Variants in TNRC6B observed in about 807,000 individuals in gnomAD.
TNRC6B encodes the protein trinucleotide repeat containing adaptor 6B, also known as trinucleotide repeat-containing gene 6B protein.
A neutral mutation model predicts 203.6 loss-of-function variants in TNRC6B; 52 were observed. The observed-to-expected ratio is 0.26, with a 90% confidence interval of 0.20 to 0.32. The LOEUF (loss-of-function observed/expected upper bound fraction) is 0.32. TNRC6B is among the 10% of genes least tolerant of loss of function. TNRC6B has a pLI of 1.00. For missense variants in TNRC6B, 1,923 were observed against 2,286.2 expected (o/e 0.84, Z 3.24); for synonymous variants, 838 against 845.7 (o/e 0.99, Z 0.16).
At chr22:40,161,076 C>T (rs1311604131) in intron 4 of TNRC6B, among the ~76,000 whole-genome samples, 6 of 152,072 alleles carry the variant, frequency 3.9e-5, no homozygotes, top group African/African-American at 1.2e-4. Context: ...TTCTCTCAGT[C>T]CTTATTGTTT....
chr22:40,265,032 G>C lies in TNRC6B; in HGVS notation c.802G>C (p.Val268Leu), dbSNP rs773385111. 3 of 1,613,976 alleles carry C rather than the reference G, an allele frequency of 1.9e-6. No homozygotes were observed. In the South Asian group the frequency reaches 3.3e-5, roughly 18 times the overall value. ...GAAATCTGACCCTAAGGCTAAATCT[G>C]TTCAATCTTCCAACTCTACTACAGA... ...VWKSDPKAKS[V>L]QSSNSTTENN... Residue 268 changes from valine to leucine, a missense_variant, in exon 5 of 23, where the codon GTT (valine) becomes CTT (leucine). Val to Leu is a conservative substitution (Grantham distance 32). This residue lies in a region of TNRC6B where 614 missense variants were observed against 587.7 expected (regional missense o/e 1.04). Coordinates refer to ENST00000454349, the MANE Select transcript of TNRC6B (RefSeq NM_001162501.2).
At chr22:40,073,767 A>G (rs1414433137) in intron 1 of TNRC6B, among the ~76,000 whole-genome samples, 1 of 151,924 alleles carries the variant, frequency 6.6e-6, no homozygotes, top group Non-Finnish European at 1.5e-5. Flanking sequence ...TACAAAAATT[A>G]GCAGCCAGGG....
intron 1 of TNRC6B, among the ~76,000 whole-genome samples, chr22:40,188,249 T>C (rs916710251): frequency 2.0e-5 from 3 of 152,160 alleles, no homozygotes; most frequent in Non-Finnish European, 4.4e-5. Flanking sequence ...TCTTGAATCC[T>C]GCTTGGAATC....
At chr22:40,261,731 A>G in intron 3 of TNRC6B, 101 bp from the exon 4 acceptor site, 1 of 1,065,336 alleles carries the variant, frequency 9.4e-7, no homozygotes, top group South Asian at 3.1e-5. Context: ...CAACATGGCA[A>G]GACCCCATCT....
At chr22:40,288,325 C>T (rs192504709) in intron 12 of TNRC6B, among the ~76,000 whole-genome samples, 4 of 152,200 alleles carry the variant, frequency 2.6e-5, no homozygotes, top group Non-Finnish European at 4.4e-5. Flanking sequence ...CCCGTGTGAT[C>T]TTTATGTGCA....
chr22:40,321,302 T>C, intron 22 of TNRC6B, 73 bp downstream of exon 22: 1 of 1,532,002 alleles, frequency 6.5e-7, no homozygotes, highest in Non-Finnish European at 8.9e-7. Context: ...TGGCAGCTGC[T>C]GAATTAAAGA....
At position 40,324,004 on chromosome 22, in the gene TNRC6B, T is replaced by C. The variant is rs958617720; in HGVS notation, c.*763T>C. The C allele has an allele frequency of 6.6e-6, 1 of 152,378 alleles. No homozygotes were observed. The highest frequency in any genetic ancestry group is 1.5e-5 in the Non-Finnish European group (1 of 68,064). 9.4% of individuals were successfully genotyped at this position (152,378 alleles called of 1,614,324 possible). A position where few individuals can be genotyped will look rare whatever the true frequency, so the allele number is the denominator to read the frequency against. The stretch of plus-strand genomic sequence containing the variant: ...TCTCAGAAAGCTGCATCGCTGACAG[T>C]CTGCAGGCTGGCTGGCCGGCCCATC... On this transcript the variant is annotated 3_prime_UTR_variant, in exon 23 of 23. Transcript: ENST00000454349.
Position 40,333,466 on chromosome 22 carries a change from C to T in TNRC6B, c.*10225C>T, listed in dbSNP as rs1219487850. The T allele has an allele frequency of 6.5e-6, 1 of 152,680 alleles. No homozygotes were observed. The highest frequency in any genetic ancestry group is 6.5e-5 in the Admixed American group (1 of 15,280). The allele number at this position is 152,680 out of a possible 1,614,324, so 9.5% of individuals were successfully genotyped here. On this transcript the variant is annotated 3_prime_UTR_variant, in exon 23 of 23. Transcript: ENST00000454349. ...TTCTCTCTTCCAGCAGATCCATCCC[C>T]TGCAGGGACTCCAGAATGTTCTCCA...
chr22:40,127,540 A>G (rs1318947517), intron 3 of TNRC6B, among the ~76,000 whole-genome samples: 2 of 152,110 alleles, frequency 1.3e-5, no homozygotes, highest in Non-Finnish European at 1.5e-5. Flanking sequence ...AGGTACATAT[A>G]CACCCTTCCT....
At chr22:40,188,059 A>C (rs541766231) in intron 1 of TNRC6B, among the ~76,000 whole-genome samples, 38 of 152,266 alleles carry the variant, frequency 2.5e-4, no homozygotes, top group African/African-American at 9.1e-4. Context: ...GTCTCTACTA[A>C]AAATACAAAA....
At chr22:40,119,109 A>G (rs1370499061) in intron 2 of TNRC6B, among the ~76,000 whole-genome samples, 1 of 152,052 alleles carries the variant, frequency 6.6e-6, no homozygotes, top group Non-Finnish European at 1.5e-5. Flanking sequence ...ATATTTGGCA[A>G]TTTTCCTGGA....
At chr22:40,252,108 C>A (rs1333366013) in intron 3 of TNRC6B, among the ~76,000 whole-genome samples, 1 of 152,190 alleles carries the variant, frequency 6.6e-6, no homozygotes, top group Non-Finnish European at 1.5e-5. Context: ...GTGATTGTCA[C>A]ATTTTTGTTC....
rs374933119 is a variant in TNRC6B, at chr22:40,127,781, G to T, written c.45+1919G>T. On this transcript the variant is annotated intron_variant, in intron 3 of 23. Coordinates refer to the TNRC6B transcript ENST00000301923. ...GCTACTCAGGAGGCTGAGGTAGGAG[G>T]ATCATTTGTACCCAGGGCTGTTGAC... Among the ~76,000 whole-genome samples the T allele has an allele frequency of 1.2e-4, 19 of 152,204 alleles. 2 individuals carry two copies. The highest frequency in any genetic ancestry group is 9.8e-4 in the Admixed American group (15 of 15,280).
chr22:40,180,933 G>C (rs1226935042), intron 1 of TNRC6B, among the ~76,000 whole-genome samples: 4 of 152,034 alleles, frequency 2.6e-5, no homozygotes, highest in African/African-American at 7.3e-5. Context: ...GGATCAACTA[G>C]TGATAATATC....
intron 12 of TNRC6B, among the ~76,000 whole-genome samples, chr22:40,295,194 G>A (rs2070922282): frequency 6.6e-6 from 1 of 152,164 alleles, no homozygotes; most frequent in Admixed American, 6.5e-5. Context: ...AGAAAAGATG[G>A]GCCAAGCATG....
At chr22:40,190,646 G>C (rs2069259049) in intron 1 of TNRC6B, among the ~76,000 whole-genome samples, 1 of 152,228 alleles carries the variant, frequency 6.6e-6, no homozygotes, top group South Asian at 2.1e-4. Context: ...CTGTAATCAG[G>C]AGGGCCATGG....
At chr22:40,160,729 C>G (rs944698422) in intron 4 of TNRC6B, among the ~76,000 whole-genome samples, 2 of 151,466 alleles carry the variant, frequency 1.3e-5, no homozygotes, top group Admixed American at 6.6e-5. Flanking sequence ...AGCCCAGATA[C>G]TTTTTTTTGC....
intron 1 of TNRC6B, among the ~76,000 whole-genome samples, chr22:40,233,976 C>T (rs1894588): frequency 0.029 from 4,348 of 152,242 alleles, 104 homozygotes; most frequent in Admixed American, 0.053. Context: ...CTACGCTACA[C>T]GAGTTGTTTA....
intron 1 of TNRC6B, among the ~76,000 whole-genome samples, chr22:40,204,489 CCTT>C (rs1166365491): frequency 6.6e-6 from 1 of 152,202 alleles, no homozygotes; most frequent in Non-Finnish European, 1.5e-5. Flanking sequence ...ACGGGCTTGA[CCTT>C]CTGCTTCCTC....
Sources: gnomAD v4.1 joint callset for allele counts (sites outside exome capture counted in the v4.1 genomes callset) on GRCh38, gnomAD v4.1.1 for gene constraint, gnomAD v4.1.1 regional missense constraint, MANE v1.5 for transcripts, NCBI Gene and HGNC (gene_info 2026-07-23, HGNC 2026-07-21) for gene names.